ZC3H12B: variants seen among roughly 807,000 people sequenced by gnomAD.
ZC3H12B encodes zinc finger CCCH-type containing 12B, also known as probable ribonuclease ZC3H12B.
In ZC3H12B, 7 loss-of-function variants were observed where a neutral mutation model predicts 43.9. The ratio of observed to expected loss-of-function variants is 0.16; its 90% CI spans 0.09 to 0.30. The LOEUF (loss-of-function observed/expected upper bound fraction) is 0.30. ZC3H12B is among the 10% of genes least tolerant of loss of function. ZC3H12B has a pLI of 1.00. For synonymous variants in ZC3H12B, 222 were observed against 241.7 expected, an observed-to-expected ratio of 0.92 and a Z score of 0.76; for missense variants, 475 against 670.2, an observed-to-expected ratio of 0.71 and a Z score of 3.22.
chrX:65,459,160 A>G (rs1038996161), intron 3 of ZC3H12B, among the ~76,000 whole-genome samples: 1 of 112,127 alleles, frequency 8.9e-6, no homozygotes, highest in Non-Finnish European at 1.9e-5. Flanking sequence ...CTAAACCAGG[A>G]AGAAGTTGAA....
the ZC3H12B span, among the ~76,000 whole-genome samples, chrX:65,160,572 A>G: frequency 2.7e-5 from 3 of 111,309 alleles, no homozygotes; most frequent in Non-Finnish European, 3.8e-5. Flanking sequence ...GTATTCTCTG[A>G]TGGTAGTTTG....
chrX:65,361,263 A>C, the ZC3H12B span, among the ~76,000 whole-genome samples: 3 of 112,306 alleles, frequency 2.7e-5, no homozygotes, highest in Non-Finnish European at 5.6e-5. Flanking sequence ...TGAAACACAG[A>C]AGGCTAGTAT....
chrX:65,450,026 G>T (rs1602458975), intron 3 of ZC3H12B, among the ~76,000 whole-genome samples: 1 of 110,355 alleles, frequency 9.1e-6, no homozygotes, highest in South Asian at 3.8e-4. Context: ...ATATTTTTAG[G>T]CTGGGCGTGG....
At chrX:65,084,144 A>T in the ZC3H12B span, among the ~76,000 whole-genome samples, 1 of 112,260 alleles carries the variant, frequency 8.9e-6, no homozygotes, top group Non-Finnish European at 1.9e-5. Flanking sequence ...AGACCTCAAA[A>T]TATGAAATTA....
At chrX:65,455,458 C>T (rs2067593972) in intron 3 of ZC3H12B, among the ~76,000 whole-genome samples, 1 of 111,668 alleles carries the variant, frequency 9.0e-6, no homozygotes, top group Non-Finnish European at 1.9e-5. Context: ...ATAAAGCCTC[C>T]AGGAAATATG....
intron 2 of ZC3H12B, among the ~76,000 whole-genome samples, chrX:65,497,971 A>G (rs1213449902): frequency 2.7e-5 from 3 of 111,514 alleles, no homozygotes; most frequent in Non-Finnish European, 5.7e-5. Context: ...TGGTGTGATC[A>G]TGGCTCACTG....
chrX:65,365,543 C>T (rs1335922700), upstream of ZC3H12B, among the ~76,000 whole-genome samples: 1 of 110,977 alleles, frequency 9.0e-6, no homozygotes, highest in Admixed American at 9.6e-5. Flanking sequence ...TAATCCCGCT[C>T]AAAGTAGACC....
At chrX:65,150,501 C>T in the ZC3H12B span, among the ~76,000 whole-genome samples, 1 of 109,780 alleles carries the variant, frequency 9.1e-6, no homozygotes, top group African/African-American at 3.3e-5. Context: ...CCCCGACCCC[C>T]CAACAGGCCC....
chrX:65,177,100 G>C, the ZC3H12B span, among the ~76,000 whole-genome samples: 2 of 112,182 alleles, frequency 1.8e-5, no homozygotes, highest in African/African-American at 6.5e-5. Flanking sequence ...CGGCTTTATT[G>C]CTGGGACACA....
At chrX:65,191,001 A>G in the ZC3H12B span, among the ~76,000 whole-genome samples, 2 of 87,707 alleles carry the variant, frequency 2.3e-5, no homozygotes, top group Non-Finnish European at 4.2e-5. Context: ...GAGAGTTTTT[A>G]GCATGAAGGG....
chrX:65,178,837 G>T, the ZC3H12B span, among the ~76,000 whole-genome samples: 1 of 112,048 alleles, frequency 8.9e-6, no homozygotes, highest in South Asian at 3.7e-4. Flanking sequence ...TTCAACCATT[G>T]TGGAAGAGAG....
upstream of ZC3H12B, among the ~76,000 whole-genome samples, chrX:65,366,219 A>C (rs1279457491): frequency 9.1e-6 from 1 of 109,490 alleles, no homozygotes; most frequent in South Asian, 4.0e-4. Context: ...ATCAGGGGAA[A>C]AATGGTTTCT....
At chrX:65,364,426 A>C (rs890451487), upstream of ZC3H12B, among the ~76,000 whole-genome samples, 1 of 109,217 alleles carries the variant, frequency 9.2e-6, no homozygotes, top group Non-Finnish European at 1.9e-5. Flanking sequence ...AAAAAAAAAA[A>C]CTAGAGTCAT....
the ZC3H12B span, among the ~76,000 whole-genome samples, chrX:65,135,196 A>G: frequency 9.0e-6 from 1 of 111,476 alleles, no homozygotes; most frequent in African/African-American, 3.3e-5. Flanking sequence ...CTTTTATGTT[A>G]CTTAACTTTC....
chrX:65,063,366 A>C, the ZC3H12B span, among the ~76,000 whole-genome samples: 1 of 111,963 alleles, frequency 8.9e-6, no homozygotes, highest in African/African-American at 3.2e-5. Context: ...TGTTTTTAGC[A>C]TGAAGGCCTG....
chrX:65,417,686 A>G (rs2066976577), intron 3 of ZC3H12B, among the ~76,000 whole-genome samples: 1 of 112,774 alleles, frequency 8.9e-6, no homozygotes, highest in Non-Finnish European at 1.9e-5. Context: ...TCCTGTCAGC[A>G]TTTATCTCCT....
At chrX:65,252,982 A>T in the ZC3H12B span, among the ~76,000 whole-genome samples, 1 of 112,349 alleles carries the variant, frequency 8.9e-6, no homozygotes, top group African/African-American at 3.2e-5. Context: ...GTAGAGCAGC[A>T]ATAAATTAGT....
the ZC3H12B span, among the ~76,000 whole-genome samples, chrX:65,163,333 T>C: frequency 2.7e-5 from 3 of 111,571 alleles, no homozygotes; most frequent in African/African-American, 9.8e-5. Flanking sequence ...CTGCAGAGGT[T>C]ACTGCTGTCT....
At chrX:65,478,763 G>A (rs936046399) in intron 3 of ZC3H12B, among the ~76,000 whole-genome samples, 2 of 112,131 alleles carry the variant, frequency 1.8e-5, no homozygotes, top group Non-Finnish European at 3.8e-5. Context: ...AACCTTTAAT[G>A]TCAACCAAAG....
Sources: gnomAD v4.1 joint callset for allele counts (sites outside exome capture counted in the v4.1 genomes callset) on GRCh38, gnomAD v4.1.1 for gene constraint, MANE v1.5 for transcripts, NCBI Gene and HGNC (gene_info 2026-07-23, HGNC 2026-07-21) for gene names.